Variants in DOK1 observed in about 807,000 individuals in gnomAD.
DOK1 encodes the protein docking protein 1.
A neutral mutation model predicts 24.0 loss-of-function variants in DOK1; 12 were observed. The observed-to-expected ratio is 0.50, with a 90% CI of 0.32 to 0.81. DOK1 has a LOEUF of 0.81. DOK1 is among the 30% of genes least tolerant of loss of function. DOK1 has a pLI of 0.03. For synonymous variants in DOK1, 250 were observed against 260.9 expected, an observed-to-expected ratio of 0.96 and a Z score of 0.40; for missense variants, 591 against 620.7, an observed-to-expected ratio of 0.95 and a Z score of 0.51.
At position 74,549,519 on chromosome 2, in the gene DOK1, G is replaced by A. The variant is rs150977936; in HGVS notation, c.-358+347G>A. The A allele has an allele frequency of 2.7e-4, 443 of 1,613,632 alleles. 2 individuals carry two copies. In the African/African-American group the frequency reaches 5.1e-3, roughly 18 times the overall value. ...CACCAGCCCCTCCGTCACGGGCAGGGGTCGTCTGCCCCACCCAACGGCGGG... is the reference window on the plus strand; with the variant it reads ...CACCAGCCCCTCCGTCACGGGCAGGAGTCGTCTGCCCCACCCAACGGCGGG... On this transcript the variant is annotated intron_variant, in intron 1 of 4. Transcript: ENST00000409429. This position sits in a 1 kb window ranked among gnomAD's most constrained non-coding sequence, Gnocchi z 5.3.
Position 74,555,308 on chromosome 2 carries a change from G to A in DOK1, c.215G>A (p.Ser72Asn), listed in dbSNP as rs575954137. 6.2e-7 allele frequency: 1 copy of A among 1,614,106 alleles called. No homozygotes were observed. The highest frequency in any genetic ancestry group is 8.5e-7 in the Non-Finnish European group (1 of 1,180,012). Residue 72 changes from serine (S) to asparagine (N), a missense_variant, in exon 2 of 5, where the codon AGT becomes AAT. Coordinates refer to ENST00000233668, the MANE Select transcript of DOK1 (RefSeq NM_001381.5). This position sits in a 1 kb window ranked among gnomAD's most constrained non-coding sequence, Gnocchi z 6.1. ...CKVIRLAECVSVAPVTVETPP... is the reference protein window; with the variant it reads ...CKVIRLAECVNVAPVTVETPP... ...GTGATCCGTCTGGCTGAGTGTGTGAGTGTGGCCCCCGTCACCGTGGAGACC... is the reference window on the plus strand; with the variant it reads ...GTGATCCGTCTGGCTGAGTGTGTGAATGTGGCCCCCGTCACCGTGGAGACC...
chr2:74,553,663 C>G (rs1252676318), upstream of DOK1, among the ~76,000 whole-genome samples: 1 of 151,996 alleles, frequency 6.6e-6, no homozygotes, highest in Non-Finnish European at 1.5e-5. Flanking sequence ...TCCCTTAGGG[C>G]GCTCCTGGCG....
chr2:74,556,370 G>C lies in DOK1; in HGVS notation c.702G>C (p.Gln234His). Residue 234 changes from glutamine to histidine, a missense_variant, in exon 5 of 5, where the codon CAG becomes CAC. Physicochemically the swap from Gln to His is conservative, Grantham distance 24. Transcript: ENST00000233668. This position sits in a 1 kb window ranked among gnomAD's most constrained non-coding sequence, Gnocchi z 4.1. ...CAGGCCCTGGAACCTTCACCTTCCA[G>C]ACGGCACAGGGAAATGACATCTTCC... ...CPSGPGTFTF[Q>H]TAQGNDIFQA... 1 of 1,613,990 alleles carries C rather than the reference G, an allele frequency of 6.2e-7. No homozygotes were observed. The highest frequency in any genetic ancestry group is 8.5e-7 in the Non-Finnish European group (1 of 1,180,020).
At position 74,556,579 on chromosome 2, in the gene DOK1, G is replaced by C. The variant is rs1178518890; in HGVS notation, c.911G>C (p.Arg304Pro). Reference sequence around the variant, plus strand: ...TATGCTGAGCCCTTAGACTCCCTGCGCATTGCTCCATGCCCTTCCCAGGAC... The same window carrying C: ...TATGCTGAGCCCTTAGACTCCCTGCCCATTGCTCCATGCCCTTCCCAGGAC... ...ALYAEPLDSLRIAPCPSQDSL... is the reference protein window; with the variant it reads ...ALYAEPLDSLPIAPCPSQDSL... The change falls in exon 5 of 5, where the codon CGC (arginine) becomes CCC (proline). Residue 304 changes from arginine (R) to proline (P), a missense_variant. Transcript: ENST00000233668. This position sits in a 1 kb window ranked among gnomAD's most constrained non-coding sequence, Gnocchi z 4.1. The C allele has an allele frequency of 2.5e-6, 4 of 1,614,066 alleles. No individual in the cohort carries two copies. The highest frequency in any genetic ancestry group is 1.6e-4 in the Middle Eastern group (1 of 6,084).
rs774454311 is a variant in DOK1 at position 74,556,541 on chromosome 2, T to C, written c.873T>C (p.Ser291=). 6.2e-7 allele frequency: 1 copy of C among 1,614,064 alleles called. No homozygotes were observed. The highest frequency in any genetic ancestry group is 1.1e-5 in the South Asian group (1 of 91,072). Residue 291 remains serine (S), a synonymous_variant, in exon 5 of 5, where the codon AGT becomes AGC. Transcript: ENST00000233668. The surrounding 1 kb of genome is among the most constrained non-coding windows in gnomAD (Gnocchi z 4.1). Reference sequence around the variant, plus strand: ...CTGGCCCCCAAGAGCTCCTCGACAGTCCCCCAGCCCTGTATGCTGAGCCCT... The same window carrying C: ...CTGGCCCCCAAGAGCTCCTCGACAGCCCCCCAGCCCTGTATGCTGAGCCCT... ...SPPGPQELLD[S]PPALYAEPLD... is the part of the protein sequence containing the mutation.
rs770029479 is a variant in DOK1, at chr2:74,555,655, C to T, written c.441C>T (p.Ser147=). The change falls in exon 3 of 5, where the codon AGC becomes AGT. Residue 147 remains serine (S), a synonymous_variant. Coordinates refer to ENST00000233668, the MANE Select transcript of DOK1 (RefSeq NM_001381.5). This position sits in a 1 kb window ranked among gnomAD's most constrained non-coding sequence, Gnocchi z 6.1. ...ALEMLENSLY[S]PTWEGSQFWV... ...AGATGCTGGAGAACTCCTTGTACAG[C>T]CCTACCTGGGAAGGTAGACGCCTCA... 1.9e-6 allele frequency: 3 copies of T among 1,614,042 alleles called. No homozygotes were observed. The highest frequency in any genetic ancestry group is 2.5e-6 in the Non-Finnish European group (3 of 1,179,982).
At chr2:74,551,515 C>A (rs528662550), upstream of DOK1, among the ~76,000 whole-genome samples, 1 of 152,270 alleles carries the variant, frequency 6.6e-6, no homozygotes, top group Non-Finnish European at 1.5e-5. Flanking sequence ...ACAACCATTA[C>A]GCCATTGCTA....
upstream of DOK1, chr2:74,554,586 G>A (rs1677258931): frequency 7.8e-6 from 5 of 640,222 alleles, no homozygotes; most frequent in Admixed American, 3.0e-5. The surrounding 1 kb of genome is among the most constrained non-coding windows in gnomAD (Gnocchi z 4.9). Context: ...GCTAATCCGG[G>A]GGTCTCCACC....
chr2:74,556,844 G>C lies in DOK1; in HGVS notation c.1176G>C (p.Arg392=). The C allele has an allele frequency of 1.2e-6, 2 of 1,614,132 alleles. No individual in the cohort carries two copies. Among genetic ancestry groups the C allele is most frequent in the Middle Eastern group, 1.6e-4 (1 of 6,062 alleles). ...AGGATGCATGGTGGTGCCAAGCTCG[G>C]GTGAAGGAGGAGGGCTATGAGCTCC... ...EPKDAWWCQA[R]VKEEGYELPY... Residue 392 remains arginine, a synonymous_variant, in exon 5 of 5, where the codon CGG becomes CGC. Coordinates refer to ENST00000233668, the MANE Select transcript of DOK1 (RefSeq NM_001381.5). This position sits in a 1 kb window ranked among gnomAD's most constrained non-coding sequence, Gnocchi z 4.1.
Position 74,549,475 on chromosome 2 carries a change from C to G in DOK1, c.-358+303C>G, listed in dbSNP as rs201296491. 1.9e-6 allele frequency: 3 copies of G among 1,613,380 alleles called. No homozygotes were observed. The South Asian group carries it at 3.3e-5, about 18-fold the overall frequency. On this transcript the variant is annotated intron_variant, in intron 1 of 4. Coordinates refer to the DOK1 transcript ENST00000409429. The surrounding 1 kb of genome is among the most constrained non-coding windows in gnomAD (Gnocchi z 5.3). ...CCTTTGTCGCACACTTGCGACCAGC[C>G]GTCAGGAAGCCTGACTTCCACCAGC...
chr2:74,554,240 G>T, upstream of DOK1: 1 of 156,310 alleles, frequency 6.4e-6, no homozygotes, highest in South Asian at 1.7e-4. This position sits in a 1 kb window ranked among gnomAD's most constrained non-coding sequence, Gnocchi z 4.9. Flanking sequence ...GCCGGGCGGC[G>T]GGGCGGCCCC....
chr2:74,555,692 A>G lies in DOK1; in HGVS notation c.454+24A>G, dbSNP rs6706046. The G allele has an allele frequency of 0.016, 25,412 of 1,613,392 alleles. 1,376 individuals carry two copies. The African/African-American group carries it at 0.18, about 11-fold the overall frequency. The stretch of plus-strand genomic sequence containing the variant: ...AGGTAGACGCCTCAGAAGCCCGGGC[A>G]GGGATGGAGTGAAGAGGAGGAGGGC... On this transcript the variant is annotated intron_variant, in intron 3 of 4. Coordinates refer to ENST00000233668, the MANE Select transcript of DOK1 (RefSeq NM_001381.5). This position sits in a 1 kb window ranked among gnomAD's most constrained non-coding sequence, Gnocchi z 6.1.
At position 74,554,926 on chromosome 2, in the gene DOK1, C is replaced by A; in HGVS notation, c.60+112C>A. Reference sequence around the variant, plus strand: ...GAGAGCGGCGCCGGGAGTTGGAGAGCCTGTGACTTTCCCGTGAAGTTGCTT... The same window carrying A: ...GAGAGCGGCGCCGGGAGTTGGAGAGACTGTGACTTTCCCGTGAAGTTGCTT... On this transcript the variant is annotated intron_variant, in intron 1 of 4. Transcript: ENST00000233668. This position sits in a 1 kb window ranked among gnomAD's most constrained non-coding sequence, Gnocchi z 4.9. 1 of 1,528,804 alleles carries A rather than the reference C, an allele frequency of 6.5e-7. No homozygotes were observed. The highest frequency in any genetic ancestry group is 1.2e-5 in the South Asian group (1 of 84,770). The allele number at this position is 1,528,804 out of a possible 1,614,324, so 94.7% of individuals were successfully genotyped here. A position where few individuals can be genotyped will look rare whatever the true frequency, so the allele number is the denominator to read the frequency against.
In DOK1 at chr2:74,549,269, G is replaced by T. The variant is rs1162289627; in HGVS notation, c.-358+97G>T. On this transcript the variant is annotated intron_variant, in intron 1 of 4. Coordinates refer to the DOK1 transcript ENST00000409429. This position sits in a 1 kb window ranked among gnomAD's most constrained non-coding sequence, Gnocchi z 5.3. ...TTTTCCCGCGCGTCCCGACCCCCGG[G>T]TCCTCCCGTGCCCCGGACCTGCTCA... 2 of 1,330,454 alleles carry T rather than the reference G, an allele frequency of 1.5e-6. No individual in the cohort carries two copies. Among genetic ancestry groups the T allele is most frequent in the Non-Finnish European group, 2.0e-6 (2 of 1,010,192 alleles). 82.4% of individuals were successfully genotyped at this position (1,330,454 alleles called of 1,614,324 possible).
upstream of DOK1, chr2:74,552,549 G>C: frequency 6.2e-7 from 1 of 1,612,294 alleles, no homozygotes; most frequent in African/African-American, 1.3e-5. Context: ...GCCCGTGGAA[G>C]GGGACGGAGA....
Position 74,555,661 on chromosome 2 carries a change from C to T in DOK1, c.447C>T (p.Thr149=), listed in dbSNP as rs1189032352. The T allele has an allele frequency of 1.2e-6, 2 of 1,613,990 alleles. No individual in the cohort carries two copies. Among genetic ancestry groups the T allele is most frequent in the Admixed American group, 1.7e-5 (1 of 60,010 alleles). The part of the protein sequence containing the change: ...EMLENSLYSP[T]WEGSQFWVTV... ...TGGAGAACTCCTTGTACAGCCCTACCTGGGAAGGTAGACGCCTCAGAAGCC... is the reference window on the plus strand; with the variant it reads ...TGGAGAACTCCTTGTACAGCCCTACTTGGGAAGGTAGACGCCTCAGAAGCC... Residue 149 remains threonine (T), a synonymous_variant, in exon 3 of 5, where the codon ACC becomes ACT. Coordinates refer to ENST00000233668, the MANE Select transcript of DOK1 (RefSeq NM_001381.5). This position sits in a 1 kb window ranked among gnomAD's most constrained non-coding sequence, Gnocchi z 6.1.
rs1347471965 is a variant in DOK1, at chr2:74,556,434, G to C, written c.766G>C (p.Gly256Arg). Residue 256 changes from glycine to arginine, a missense_variant, in exon 5 of 5, where the codon GGA (glycine) becomes CGA (arginine). Transcript: ENST00000233668. This position sits in a 1 kb window ranked among gnomAD's most constrained non-coding sequence, Gnocchi z 4.1. ...ETAIHRQKAQ[G>R]KAGQGHDVLR... ...TGCCATCCACCGGCAGAAGGCCCAG[G>C]GAAAGGCCGGACAGGGGCACGATGT... is the stretch of plus-strand genomic sequence containing the variant. The C allele has an allele frequency of 3.7e-6, 6 of 1,614,046 alleles. No homozygotes were observed. Among genetic ancestry groups the C allele is most frequent in the Admixed American group, 1.7e-5 (1 of 60,002 alleles).
chr2:74,551,617 C>G (rs921366503), upstream of DOK1, among the ~76,000 whole-genome samples: 5 of 152,242 alleles, frequency 3.3e-5, no homozygotes, highest in African/African-American at 1.2e-4. Context: ...CTAGGCAGCT[C>G]TCCTCTGAAA....
chr2:74,554,552 G>C (rs1677255683), upstream of DOK1: 1 of 585,330 alleles, frequency 1.7e-6, no homozygotes, highest in Non-Finnish European at 3.0e-6. This position sits in a 1 kb window ranked among gnomAD's most constrained non-coding sequence, Gnocchi z 4.9. Flanking sequence ...CGGCGGGTAG[G>C]GGCCTGGGGT....
Sources: allele counts gnomAD v4.1 joint callset (sites outside exome capture counted in the v4.1 genomes callset), GRCh38; gene constraint gnomAD v4.1.1; non-coding constraint Gnocchi (gnomAD v3.1); transcripts MANE v1.5; gene names NCBI Gene and HGNC (gene_info 2026-07-23, HGNC 2026-07-21).